The following ROR1 variants were observed in gnomAD, a reference collection of about 807,000 sequenced individuals.
ROR1 encodes the protein ROR family WNT receptor 1, also known as inactive tyrosine-protein kinase transmembrane receptor ROR1.
A neutral mutation model predicts 78.8 loss-of-function variants in ROR1; 19 were observed. The ratio of observed to expected loss-of-function variants is 0.24; its 90% CI spans 0.17 to 0.35. The LOEUF (loss-of-function observed/expected upper bound fraction) is 0.35. Ranked by LOEUF, ROR1 falls within the 10% of genes least tolerant of loss-of-function variation. ROR1 has a pLI of 1.00. For synonymous variants in ROR1, 386 were observed against 433.6 expected (o/e 0.89, Z 1.36); for missense variants, 917 against 1,177.8 (o/e 0.78, Z 3.24).
chr1:63,821,522 G>T (rs1387492862), intron 1 of ROR1, among the ~76,000 whole-genome samples: 2 of 152,188 alleles, frequency 1.3e-5, no homozygotes, highest in African/African-American at 4.8e-5. Flanking sequence ...GAGAGCACCC[G>T]TGTGTACTTA....
intron 2 of ROR1, among the ~76,000 whole-genome samples, chr1:64,036,488 A>G (rs1646703558): frequency 6.6e-6 from 1 of 152,110 alleles, no homozygotes. Context: ...TACTCCCATC[A>G]TGTATTCTCT....
intron 2 of ROR1, among the ~76,000 whole-genome samples, chr1:64,009,984 A>T (rs1646463138): frequency 6.6e-6 from 1 of 152,156 alleles, no homozygotes. Flanking sequence ...AGTCTGGCTC[A>T]ATCTACCTTT....
chr1:64,052,064 G>C (rs1266980601), intron 4 of ROR1, among the ~76,000 whole-genome samples: 1 of 152,194 alleles, frequency 6.6e-6, no homozygotes, highest in Non-Finnish European at 1.5e-5. Context: ...AACTGTAAAA[G>C]AGTCTTTAAA....
intron 1 of ROR1, among the ~76,000 whole-genome samples, chr1:64,006,364 G>A (rs929512429): frequency 4.6e-5 from 7 of 152,222 alleles, no homozygotes; most frequent in African/African-American, 7.2e-5. Context: ...TAGGTGAACC[G>A]CAGCAGTCCA....
intron 4 of ROR1, among the ~76,000 whole-genome samples, chr1:64,133,861 G>A (rs1649011935): frequency 6.6e-6 from 1 of 152,156 alleles, no homozygotes; most frequent in Non-Finnish European, 1.5e-5. Flanking sequence ...AGTGTGAGCT[G>A]GAAAAAAGCA....
chr1:64,117,611 A>G (rs1172127293), intron 4 of ROR1, among the ~76,000 whole-genome samples: 1 of 152,166 alleles, frequency 6.6e-6, no homozygotes, highest in Non-Finnish European at 1.5e-5. Flanking sequence ...TCACAAAAGC[A>G]TTTTCACATG....
chr1:63,940,951 T>C (rs1236772202), intron 1 of ROR1, among the ~76,000 whole-genome samples: 1 of 152,164 alleles, frequency 6.6e-6, no homozygotes, highest in Non-Finnish European at 1.5e-5. Flanking sequence ...TGACCAACAC[T>C]GCGTAACCCG....
intron 4 of ROR1, among the ~76,000 whole-genome samples, chr1:64,059,955 C>T (rs1330967867): frequency 6.6e-6 from 1 of 150,786 alleles, no homozygotes; most frequent in African/African-American, 2.4e-5. Flanking sequence ...AAAATGAGAA[C>T]GGCAAATTAA....
chr1:64,050,639 A>G (rs374624150), intron 3 of ROR1, 47 bp from the exon 4 acceptor site: 3 of 1,585,446 alleles, frequency 1.9e-6, no homozygotes, highest in African/African-American at 2.7e-5. Flanking sequence ...CTCACCCTCC[A>G]ATAACCTAGA....
intron 1 of ROR1, among the ~76,000 whole-genome samples, chr1:63,893,139 C>T (rs977481244): frequency 4.6e-5 from 7 of 152,074 alleles, no homozygotes; most frequent in Non-Finnish European, 7.4e-5. Flanking sequence ...CATGTTTCTT[C>T]GAGGGGAGAT....
chr1:64,047,718 G>A (rs536648018), intron 2 of ROR1, among the ~76,000 whole-genome samples: 87 of 152,264 alleles, frequency 5.7e-4, no homozygotes, highest in African/African-American at 2.0e-3. Context: ...AACATCTTAG[G>A]AACATATGTG....
chr1:64,170,490 C>T (rs1650205057), intron 8 of ROR1, among the ~76,000 whole-genome samples: 1 of 152,172 alleles, frequency 6.6e-6, no homozygotes, highest in Non-Finnish European at 1.5e-5. Context: ...CCATTTTCTC[C>T]TCCTAAACCT....
intron 8 of ROR1, among the ~76,000 whole-genome samples, chr1:64,176,721 A>G (rs1650391182): frequency 6.6e-6 from 1 of 152,198 alleles, no homozygotes; most frequent in African/African-American, 2.4e-5. Flanking sequence ...TTAGAAAACA[A>G]AGGATTTAAT....
At chr1:63,954,283 G>A (rs924832931) in intron 1 of ROR1, among the ~76,000 whole-genome samples, 1 of 152,152 alleles carries the variant, frequency 6.6e-6, no homozygotes, top group Non-Finnish European at 1.5e-5. Flanking sequence ...AAAAGTGAGG[G>A]CACACCCAGC....
At chr1:63,973,247 G>A (rs1646133033) in intron 1 of ROR1, among the ~76,000 whole-genome samples, 1 of 152,172 alleles carries the variant, frequency 6.6e-6, no homozygotes, top group African/African-American at 2.4e-5. Context: ...TTAGCTCCTT[G>A]TCTTTATTGC....
intron 1 of ROR1, among the ~76,000 whole-genome samples, chr1:63,802,937 A>G (rs1644805605): frequency 6.6e-6 from 1 of 152,270 alleles, no homozygotes. Context: ...TCTTTAACCC[A>G]GTAAATCCAA....
At chr1:64,026,679 A>G (rs1349532778) in intron 2 of ROR1, among the ~76,000 whole-genome samples, 1 of 152,200 alleles carries the variant, frequency 6.6e-6, no homozygotes, top group Non-Finnish European at 1.5e-5. Flanking sequence ...TCATGGCTGA[A>G]GGGGAAGCAG....
chr1:63,801,836 A>G (rs1418700615), intron 1 of ROR1, among the ~76,000 whole-genome samples: 1 of 152,082 alleles, frequency 6.6e-6, no homozygotes, highest in African/African-American at 2.4e-5. Flanking sequence ...TTTTCCTTTG[A>G]GCTGGGTCTG....
At chr1:63,878,941 A>C (rs1645306239) in intron 1 of ROR1, among the ~76,000 whole-genome samples, 1 of 152,124 alleles carries the variant, frequency 6.6e-6, no homozygotes, top group Admixed American at 6.6e-5. Flanking sequence ...TTGTTGAATA[A>C]TTTCATTAAT....
Sources: gnomAD v4.1 joint callset for allele counts (sites outside exome capture counted in the v4.1 genomes callset) on GRCh38, gnomAD v4.1.1 for gene constraint, MANE v1.5 for transcripts, NCBI Gene and HGNC (gene_info 2026-07-23, HGNC 2026-07-21) for gene names.